The following IQSEC1 variants were observed in gnomAD, a reference collection of about 807,000 sequenced individuals.
IQSEC1 encodes the protein IQ motif and SEC7 domain-containing protein 1.
A neutral mutation model predicts 91.0 loss-of-function variants in IQSEC1; 31 were observed. The observed-to-expected ratio is 0.34, with a 90% confidence interval of 0.26 to 0.46. The LOEUF is 0.46. IQSEC1 is among the 20% of genes least tolerant of loss of function. The pLI, the probability that IQSEC1 is intolerant of heterozygous loss-of-function variation, is 1.00. For missense variants in IQSEC1, 1,388 were observed against 1,575.6 expected, an observed-to-expected ratio of 0.88 and a Z score of 2.02; for synonymous variants, 699 against 662.6, an observed-to-expected ratio of 1.05 and a Z score of -0.84.
intron 3 of IQSEC1, among the ~76,000 whole-genome samples, chr3:12,926,653 C>G (rs1277263607): frequency 6.6e-6 from 1 of 152,234 alleles, no homozygotes; most frequent in East Asian, 1.9e-4. Context: ...GGGCCTGACC[C>G]CTTGCCCCAG....
rs377447856 is a variant in IQSEC1 at position 12,924,684 on chromosome 3, C to A, written c.1627G>T (p.Val543Phe). 4 of 1,608,696 alleles carry A rather than the reference C, an allele frequency of 2.5e-6. No individual in the cohort carries two copies. The highest frequency in any genetic ancestry group is 2.2e-5 in the East Asian group (1 of 44,512). ...TGCAGCAGGAAGTGGGCCACCCCGA[C>A]GGGCGTGTCGGGCACAAAGCCACGC... ...IERGFVPDTPVGVAHFLLQRK... is the reference protein window; with the variant it reads ...IERGFVPDTPFGVAHFLLQRK... Residue 543 changes from valine to phenylalanine, a missense_variant, in exon 4 of 14, where the codon GTC becomes TTC. Around this residue, in one of 2 missense-constraint regions of IQSEC1, gnomAD observed 1,059 missense variants for 1,317.8 expected, o/e 0.80. Transcript: ENST00000613206. The surrounding 1 kb of genome is among the most constrained non-coding windows in gnomAD (Gnocchi z 6.3).
intron 1 of IQSEC1, among the ~76,000 whole-genome samples, chr3:13,044,197 C>T (rs932522227): frequency 6.6e-6 from 1 of 152,216 alleles, no homozygotes; most frequent in African/African-American, 2.4e-5. Flanking sequence ...TGGTTCTCAA[C>T]CAGAGGCGTC....
intron 1 of IQSEC1, among the ~76,000 whole-genome samples, chr3:12,988,813 T>C (rs1701860981): frequency 6.6e-6 from 1 of 152,168 alleles, no homozygotes; most frequent in Non-Finnish European, 1.5e-5. Context: ...GGTGACCACA[T>C]TTAAAATAGA....
intron 1 of IQSEC1, among the ~76,000 whole-genome samples, chr3:12,980,072 GAGA>G (rs753333602): frequency 3.3e-5 from 5 of 152,190 alleles, no homozygotes; most frequent in African/African-American, 4.8e-5. Context: ...GCTGTGCAGA[GAGA>G]AGGAGAGGCG....
intron 2 of IQSEC1, among the ~76,000 whole-genome samples, chr3:13,084,681 C>G (rs1262696462): frequency 2.0e-5 from 3 of 152,176 alleles, no homozygotes; most frequent in Non-Finnish European, 4.4e-5. Context: ...GAACTGAGGA[C>G]AGGGGAGATG....
At chr3:13,116,619 G>T (rs1417823330) in intron 2 of IQSEC1, among the ~76,000 whole-genome samples, 1 of 152,012 alleles carries the variant, frequency 6.6e-6, no homozygotes, top group Non-Finnish European at 1.5e-5. Flanking sequence ...GCTGACTCCC[G>T]GCCGGGCGCA....
At chr3:13,246,347 G>T (rs534386045) in intron 1 of IQSEC1, among the ~76,000 whole-genome samples, 1 of 152,270 alleles carries the variant, frequency 6.6e-6, no homozygotes, top group South Asian at 2.1e-4. Context: ...GGGTTCCAGG[G>T]GCTGGGGCAG....
intron 2 of IQSEC1, among the ~76,000 whole-genome samples, chr3:13,094,196 G>A (rs1705916658): frequency 6.6e-6 from 1 of 152,204 alleles, no homozygotes; most frequent in Non-Finnish European, 1.5e-5. Flanking sequence ...CAGTGGAGAA[G>A]CCGGTGCTGT....
rs140041478 is a variant in IQSEC1 at position 13,120,318 on chromosome 3, T to A, written c.302+43786A>T. Among the ~76,000 whole-genome samples, 17 of 152,196 alleles carry A rather than the reference T, an allele frequency of 1.1e-4. No individual in the cohort carries two copies. In the South Asian group the frequency reaches 3.5e-3, roughly 32 times the overall value. On this transcript the variant is annotated intron_variant, in intron 2 of 15. Transcript: ENST00000648114. ...AGTTTACAAATGAGGAACTGAGGCT[T>A]GGTAGGAGGGGGCACACTCGGTCCA...
intron 1 of IQSEC1, among the ~76,000 whole-genome samples, chr3:13,184,822 G>A (rs1693903614): frequency 6.6e-6 from 1 of 152,200 alleles, no homozygotes; most frequent in Admixed American, 6.5e-5. Context: ...GGGAATTGAA[G>A]TGAAAAAGCA....
In IQSEC1 at chr3:12,929,274, T is replaced by C. The variant is rs143375137; in HGVS notation, c.1569-4532A>G. 5.7e-3 allele frequency among the ~76,000 whole-genome samples: 865 copies of C among 152,282 alleles called. 7 individuals carry two copies. Among genetic ancestry groups the C allele is most frequent in the African/African-American group, 0.02 (824 of 41,560 alleles). ...ACCATGCCTCAGGCCTCAGAAACCA[T>C]TTCAGGCTTCACAGCTGGAAGGAGA... On this transcript the variant is annotated intron_variant, in intron 3 of 13. Coordinates refer to ENST00000613206, the MANE Select transcript of IQSEC1 (RefSeq NM_001134382.3).
At chr3:13,179,796 C>T (rs9869017) in intron 1 of IQSEC1, among the ~76,000 whole-genome samples, 4,975 of 152,332 alleles carry the variant, frequency 0.033, 266 homozygotes, top group African/African-American at 0.11. Context: ...ACGGTGCTTG[C>T]GGGCCAGCGC....
chr3:13,183,740 G>C (rs1482977403), intron 1 of IQSEC1, among the ~76,000 whole-genome samples: 5 of 152,264 alleles, frequency 3.3e-5, no homozygotes, highest in Non-Finnish European at 7.4e-5. Flanking sequence ...TTGTTTGTTT[G>C]GTTGGTTGTT....
chr3:13,160,378 C>A (rs1006633637), intron 2 of IQSEC1, among the ~76,000 whole-genome samples: 13 of 152,238 alleles, frequency 8.5e-5, no homozygotes, highest in African/African-American at 3.1e-4. Context: ...CCAGGCTAGT[C>A]TTGGACTCCT....
intron 1 of IQSEC1, among the ~76,000 whole-genome samples, chr3:13,223,346 C>T (rs1694695317): frequency 6.6e-6 from 1 of 152,210 alleles, no homozygotes; most frequent in East Asian, 1.9e-4. Context: ...TTCCAGATTG[C>T]AGGGAGGTCC....
chr3:13,156,311 T>A (rs1334158415), intron 2 of IQSEC1, among the ~76,000 whole-genome samples: 1 of 152,108 alleles, frequency 6.6e-6, no homozygotes, highest in East Asian at 1.9e-4. Flanking sequence ...TACCTCAACA[T>A]AATGAAGACC....
rs1011431270 is a variant in IQSEC1 at position 13,103,883 on chromosome 3, C to T, written c.303-56361G>A. Among the ~76,000 whole-genome samples the T allele has an allele frequency of 6.6e-6, 1 of 152,186 alleles. No individual in the cohort carries two copies. The highest frequency in any genetic ancestry group is 1.5e-5 in the Non-Finnish European group (1 of 68,020). On this transcript the variant is annotated intron_variant, in intron 2 of 15. Transcript: ENST00000648114. This position sits in a 1 kb window ranked among gnomAD's most constrained non-coding sequence, Gnocchi z 4.1. The stretch of plus-strand genomic sequence containing the variant: ...GTCACTAAATGAGCAGCAATATTTG[C>T]CAAAACTTAGGACATTACCTTTGTG...
intron 2 of IQSEC1, among the ~76,000 whole-genome samples, chr3:13,150,130 G>A (rs1706969559): frequency 6.6e-6 from 1 of 152,180 alleles, no homozygotes; most frequent in African/African-American, 2.4e-5. Context: ...AGAGACACGA[G>A]TGAAAAATGA....
intron 1 of IQSEC1, among the ~76,000 whole-genome samples, chr3:13,185,665 C>A (rs1693918771): frequency 6.6e-6 from 1 of 152,220 alleles, no homozygotes; most frequent in South Asian, 2.1e-4. Context: ...GCTAGAAGGA[C>A]TATGGGGAAC....
Sources: allele counts gnomAD v4.1 joint callset (sites outside exome capture counted in the v4.1 genomes callset), GRCh38; gene constraint gnomAD v4.1.1; regional missense constraint gnomAD v4.1.1; non-coding constraint Gnocchi (gnomAD v3.1); transcripts MANE v1.5; gene names NCBI Gene and HGNC (gene_info 2026-07-23, HGNC 2026-07-21).